The following HS3ST4 variants were observed in gnomAD, a reference collection of about 807,000 sequenced individuals.
The protein encoded by HS3ST4 is heparan sulfate-glucosamine 3-sulfotransferase 4.
Under a neutral mutation model 29.2 loss-of-function variants are expected in HS3ST4, and 17 were observed. That is an observed-to-expected ratio of 0.58 (90% CI 0.40 to 0.87). The LOEUF is 0.87. Among genes scored for constraint, HS3ST4 ranks in the 40% least tolerant of loss-of-function variants. HS3ST4 has a pLI of 0.00. For missense variants in HS3ST4, 627 were observed against 634.5 expected (o/e 0.99, Z 0.13); for synonymous variants, 314 against 285.7 (o/e 1.10, Z -1.00).
intron 1 of HS3ST4, among the ~76,000 whole-genome samples, chr16:25,861,635 A>T (rs1967638225): frequency 1.3e-5 from 2 of 152,188 alleles, no homozygotes; most frequent in South Asian, 4.1e-4. Flanking sequence ...GAGATGATAT[A>T]TGAGCATCCC....
intron 1 of HS3ST4, among the ~76,000 whole-genome samples, chr16:25,777,194 A>C (rs1014872405): frequency 4.6e-5 from 7 of 152,218 alleles, no homozygotes; most frequent in African/African-American, 1.7e-4. Flanking sequence ...TCATGTTGGA[A>C]TCGATACCAC....
At chr16:25,739,774 A>G (rs1966639997) in intron 1 of HS3ST4, among the ~76,000 whole-genome samples, 1 of 152,312 alleles carries the variant, frequency 6.6e-6, no homozygotes, top group South Asian at 2.1e-4. Flanking sequence ...TGTCCTTTCC[A>G]CTTAAGCTTT....
chr16:25,887,598 G>C lies in HS3ST4; in HGVS notation c.734+194447G>C, dbSNP rs111688351. On this transcript the variant is annotated intron_variant, in intron 1 of 1. Transcript: ENST00000331351. ...GAGCCGCCTTCCCACAAAGCTGGAG[G>C]CTCTGAAGGTTGGAAGTCAGAATGT... is the stretch of plus-strand genomic sequence containing the variant. Among the ~76,000 whole-genome samples, 939 of 152,280 alleles carry C rather than the reference G, an allele frequency of 6.2e-3. 5 individuals are homozygous for C. The highest frequency in any genetic ancestry group is 0.021 in the African/African-American group (876 of 41,546).
At position 26,132,845 on chromosome 16, in the gene HS3ST4, A is replaced by G. The variant is rs371777712; in HGVS notation, c.735-2767A>G. ...TGGAAAAGGCCGTATAAAAATAGCT[A>G]TTTTCAGGTGATGTGTTTTTGCATC... On this transcript the variant is annotated intron_variant, in intron 1 of 1. Coordinates refer to ENST00000331351, the MANE Select transcript of HS3ST4 (RefSeq NM_006040.3). Among the ~76,000 whole-genome samples, 88 of 152,256 alleles carry G rather than the reference A, an allele frequency of 5.8e-4. 2 individuals are homozygous for G. The South Asian group carries it at 0.018, about 31-fold the overall frequency.
intron 1 of HS3ST4, among the ~76,000 whole-genome samples, chr16:25,798,129 A>G (rs1419339088): frequency 6.6e-6 from 1 of 152,174 alleles, no homozygotes; most frequent in African/African-American, 2.4e-5. Context: ...AAACTCCCTC[A>G]CTTCCAAGGA....
chr16:26,135,577 A>T, intron 1 of HS3ST4, 35 bp from the exon 2 acceptor site: 1 of 1,544,850 alleles, frequency 6.5e-7, no homozygotes, highest in Non-Finnish European at 8.7e-7. Flanking sequence ...CTGGACAGGA[A>T]TAACCATTCT....
chr16:25,736,752 ATCAT>A (rs1270495230), intron 1 of HS3ST4, among the ~76,000 whole-genome samples: 1 of 152,050 alleles, frequency 6.6e-6, no homozygotes, highest in East Asian at 1.9e-4. Flanking sequence ...TCCCCATACT[ATCAT>A]TCATTGTTCC....
chr16:25,918,705 T>C (rs1018358638), intron 1 of HS3ST4, among the ~76,000 whole-genome samples: 1 of 152,204 alleles, frequency 6.6e-6, no homozygotes, highest in African/African-American at 2.4e-5. Flanking sequence ...GTGCTGAGGC[T>C]GAGGCTGGAG....
chr16:25,713,725 G>A (rs770493597), intron 1 of HS3ST4, among the ~76,000 whole-genome samples: 16 of 152,096 alleles, frequency 1.1e-4, no homozygotes, highest in Non-Finnish European at 2.1e-4. Flanking sequence ...AAGATCACAG[G>A]GTCATTCTCA....
intron 1 of HS3ST4, among the ~76,000 whole-genome samples, chr16:26,068,447 G>C (rs1011152777): frequency 1.3e-5 from 2 of 152,082 alleles, no homozygotes; most frequent in Admixed American, 1.3e-4. Flanking sequence ...TACAGGTGAG[G>C]GTTCTGAGCA....
At chr16:26,074,682 CA>C (rs1351151069) in intron 1 of HS3ST4, among the ~76,000 whole-genome samples, 1 of 151,970 alleles carries the variant, frequency 6.6e-6, no homozygotes, top group Non-Finnish European at 1.5e-5. Context: ...TTATGTTTGG[CA>C]TCCATTCAAA....
At chr16:25,980,309 C>G (rs1190262722) in intron 1 of HS3ST4, among the ~76,000 whole-genome samples, 1 of 152,210 alleles carries the variant, frequency 6.6e-6, no homozygotes, top group African/African-American at 2.4e-5. Flanking sequence ...TGTTCCCTAT[C>G]ATTCCCTGCT....
chr16:25,735,670 G>T (rs1410728960), intron 1 of HS3ST4, among the ~76,000 whole-genome samples: 2 of 152,162 alleles, frequency 1.3e-5, no homozygotes, highest in African/African-American at 4.8e-5. Flanking sequence ...GGGATTACGG[G>T]TATGAGCCAC....
chr16:25,723,128 G>A (rs952810585), intron 1 of HS3ST4, among the ~76,000 whole-genome samples: 26 of 152,040 alleles, frequency 1.7e-4, no homozygotes, highest in Admixed American at 1.3e-3. Flanking sequence ...TTATCTCCCC[G>A]GGTCCCTCCC....
intron 1 of HS3ST4, among the ~76,000 whole-genome samples, chr16:26,054,387 C>T (rs1898383140): frequency 6.6e-6 from 1 of 151,998 alleles, no homozygotes; most frequent in South Asian, 2.1e-4. Flanking sequence ...GCCAACTCTC[C>T]TCCATTCGAA....
chr16:25,743,335 T>C (rs1966666673), intron 1 of HS3ST4, among the ~76,000 whole-genome samples: 1 of 152,208 alleles, frequency 6.6e-6, no homozygotes, highest in Non-Finnish European at 1.5e-5. Context: ...GAGAGTCCTG[T>C]GAATGAAATG....
At chr16:25,926,460 C>G (rs1166601647) in intron 1 of HS3ST4, among the ~76,000 whole-genome samples, 3 of 152,238 alleles carry the variant, frequency 2.0e-5, no homozygotes, top group African/African-American at 7.2e-5. Context: ...CAGACCAGAA[C>G]AGTCTGTGTA....
At chr16:26,010,967 A>G (rs907733984) in intron 1 of HS3ST4, among the ~76,000 whole-genome samples, 4 of 152,188 alleles carry the variant, frequency 2.6e-5, no homozygotes, top group African/African-American at 9.7e-5. Flanking sequence ...TCCTAAGGGT[A>G]GTTTTGAGGA....
At position 25,864,031 on chromosome 16, in the gene HS3ST4, G is replaced by GCCTCTTCA. The variant is rs562047553; in HGVS notation, c.734+170881_734+170882insCTCTTCAC. Among the ~76,000 whole-genome samples, 18 of 152,226 alleles carry GCCTCTTCA rather than the reference G, an allele frequency of 1.2e-4. No individual in the cohort carries two copies. In the South Asian group the frequency reaches 2.9e-3, roughly 25 times the overall value. On this transcript the variant is annotated intron_variant, in intron 1 of 1. Transcript: ENST00000331351. ...CTGCCTGCCGCCTCTTCGCCTCTTCGCGTGGGCATCCTCTGTGCACACGCC... is the reference window on the plus strand; with the variant it reads ...CTGCCTGCCGCCTCTTCGCCTCTTCGCCTCTTCACGTGGGCATCCTCTGTGCACACGCC...
Sources: gnomAD v4.1 joint callset for allele counts (sites outside exome capture counted in the v4.1 genomes callset) on GRCh38, gnomAD v4.1.1 for gene constraint, MANE v1.5 for transcripts, NCBI Gene and HGNC (gene_info 2026-07-23, HGNC 2026-07-21) for gene names.